ZFAT: variants seen among roughly 807,000 people sequenced by gnomAD.
The protein encoded by ZFAT is zinc finger and AT-hook domain containing, also known as zinc finger protein ZFAT.
In ZFAT, 64 loss-of-function variants were observed where a neutral mutation model predicts 117.7. The ratio of observed to expected loss-of-function variants is 0.54; its 90% CI spans 0.44 to 0.67. The LOEUF (loss-of-function observed/expected upper bound fraction) is 0.67. Among genes scored for constraint, ZFAT ranks in the 30% least tolerant of loss-of-function variants. The pLI, the probability that ZFAT is intolerant of heterozygous loss-of-function variation, is 0.00. For missense variants in ZFAT, 1,433 were observed against 1,584.5 expected (o/e 0.90, Z 1.62); for synonymous variants, 679 against 615.0 (o/e 1.10, Z -1.54).
chr8:134,739,412 C>T, the ZFAT span, among the ~76,000 whole-genome samples: 1 of 151,944 alleles, frequency 6.6e-6, no homozygotes, highest in African/African-American at 2.4e-5. Flanking sequence ...ATGAGAAGAA[C>T]CAGGATTTGG....
intron 15 of ZFAT, among the ~76,000 whole-genome samples, chr8:134,494,056 T>C (rs986863982): frequency 2.0e-5 from 3 of 152,184 alleles, no homozygotes; most frequent in Non-Finnish European, 4.4e-5. Context: ...GCACATACAC[T>C]GAATCTCTAT....
chr8:134,695,922 G>A (rs765269888), intron 1 of ZFAT, among the ~76,000 whole-genome samples: 2 of 148,116 alleles, frequency 1.4e-5, no homozygotes, highest in African/African-American at 2.5e-5. Flanking sequence ...CCAAGGAGGC[G>A]CTGCCCCCAG....
intron 1 of ZFAT, among the ~76,000 whole-genome samples, chr8:134,702,388 C>A (rs1381270995): frequency 6.6e-6 from 1 of 152,096 alleles, no homozygotes; most frequent in Non-Finnish European, 1.5e-5. Context: ...GCATTTCCAC[C>A]CAAATTTCAT....
chr8:134,620,437 T>A (rs1016354298), intron 3 of ZFAT, among the ~76,000 whole-genome samples: 2 of 152,194 alleles, frequency 1.3e-5, no homozygotes, highest in East Asian at 3.9e-4. Context: ...GCTGCTGCTC[T>A]GGCCTGGCAT....
chr8:134,825,683 T>G, the ZFAT span, among the ~76,000 whole-genome samples: 62 of 152,320 alleles, frequency 4.1e-4, no homozygotes, highest in Non-Finnish European at 4.6e-4. Flanking sequence ...CAATACATCA[T>G]TTGACCAATA....
intron 2 of ZFAT, among the ~76,000 whole-genome samples, chr8:134,650,704 G>C (rs191168170): frequency 6.6e-6 from 1 of 152,304 alleles, no homozygotes; most frequent in Admixed American, 6.5e-5. Context: ...GACATTAGAA[G>C]AGACGTATTG....
chr8:134,734,296 G>T, the ZFAT span, among the ~76,000 whole-genome samples: 2 of 152,188 alleles, frequency 1.3e-5, no homozygotes, highest in Non-Finnish European at 2.9e-5. Flanking sequence ...GGCTCCTGTC[G>T]CTTCGGGCTG....
intron 10 of ZFAT, among the ~76,000 whole-genome samples, chr8:134,570,013 GT>G (rs1323139985): frequency 6.6e-6 from 1 of 152,122 alleles, no homozygotes; most frequent in African/African-American, 2.4e-5. Flanking sequence ...GAGCTTCACA[GT>G]GGCTGCAGGG....
the ZFAT span, among the ~76,000 whole-genome samples, chr8:134,799,702 C>A: frequency 2.6e-5 from 4 of 152,292 alleles, no homozygotes; most frequent in African/African-American, 9.6e-5. Context: ...AAGATATGAG[C>A]TCCAGAAGCT....
In ZFAT at chr8:134,637,648, T is replaced by G. The variant is rs777706587; in HGVS notation, c.261A>C (p.Glu87Asp). ...PKGSTKKSSTEEELAENIVSP... is the reference protein window; with the variant it reads ...PKGSTKKSSTDEELAENIVSP... ...TCACGATGTTTTCTGCCAGCTCCTC[T>G]TCTGTGCTGGACTTCTTCGTGGACC... Residue 87 changes from glutamate to aspartate, a missense_variant, in exon 3 of 16, where the codon GAA becomes GAC. Glu to Asp is a conservative substitution (Grantham distance 45). Around this residue, in one of 5 missense-constraint regions of ZFAT, gnomAD observed 436 missense variants for 482.0 expected, o/e 0.90. Transcript: ENST00000377838. 6.2e-7 allele frequency: 1 copy of G among 1,614,190 alleles called. No individual in the cohort carries two copies. Among genetic ancestry groups the G allele is most frequent in the South Asian group, 1.1e-5 (1 of 91,080 alleles).
chr8:134,534,887 C>T (rs1384202893), intron 11 of ZFAT, among the ~76,000 whole-genome samples: 6 of 152,260 alleles, frequency 3.9e-5, no homozygotes, highest in Middle Eastern at 3.4e-3. Context: ...CCTTGCCCAC[C>T]GCCTGCTGCA....
At position 134,602,649 on chromosome 8, in the gene ZFAT, C is replaced by A. The variant is rs754938486; in HGVS notation, c.1070G>T (p.Arg357Leu). 6 of 1,614,196 alleles carry A rather than the reference C, an allele frequency of 3.7e-6. No homozygotes were observed. In the South Asian group the frequency reaches 5.5e-5, roughly 15 times the overall value. Residue 357 changes from arginine (R) to leucine (L), a missense_variant, in exon 6 of 16, where the codon CGC (arginine) becomes CTC (leucine). Physicochemically the swap from Arg to Leu is moderately radical, Grantham distance 102 (BLOSUM62 -2). This residue lies in a region of ZFAT where 436 missense variants were observed against 482.0 expected (regional missense o/e 0.90). Coordinates refer to ENST00000377838, the MANE Select transcript of ZFAT (RefSeq NM_020863.4). ...RVHKKIKQHC[R>L]FCKKKYSDVK... ...GTCAGAGTACTTCTTCTTGCAGAAG[C>A]GGCAGTGCTGCTTGATCTTCTTGTG...
chr8:134,755,129 C>T, the ZFAT span, among the ~76,000 whole-genome samples: 2 of 151,530 alleles, frequency 1.3e-5, no homozygotes, highest in Admixed American at 1.3e-4. Context: ...GGGGGCTGGG[C>T]GTGGTGGCTC....
At chr8:134,509,254 T>C (rs1322729391) in intron 15 of ZFAT, among the ~76,000 whole-genome samples, 1 of 152,180 alleles carries the variant, frequency 6.6e-6, no homozygotes, top group Non-Finnish European at 1.5e-5. Flanking sequence ...CCCCCATGCA[T>C]CCTACTAGCT....
At chr8:134,732,434 T>TC in the ZFAT span, among the ~76,000 whole-genome samples, 1 of 152,104 alleles carries the variant, frequency 6.6e-6, no homozygotes, top group Non-Finnish European at 1.5e-5. Context: ...AAGGGGCCAG[T>TC]CCAAAAGGGA....
the ZFAT span, among the ~76,000 whole-genome samples, chr8:134,832,317 C>T: frequency 6.6e-6 from 1 of 151,572 alleles, no homozygotes; most frequent in Non-Finnish European, 1.5e-5. Context: ...AGCGGCTGTG[C>T]GCGCGCGTGT....
chr8:134,804,997 GTCA>G, the ZFAT span: 13 of 509,580 alleles, frequency 2.6e-5, no homozygotes, highest in Middle Eastern at 3.4e-4. Context: ...AATGTTGCCA[GTCA>G]TCATCTTCAG....
Position 134,588,354 on chromosome 8 carries a change from C to A in ZFAT, c.2605G>T (p.Val869Phe). The change falls in exon 9 of 16, where the codon GTT becomes TTT. Residue 869 changes from valine (V) to phenylalanine (F), a missense_variant. Transcript: ENST00000377838. The stretch of plus-strand genomic sequence containing the variant: ...TTTCCAATTAGCCCTTTCAGCTGAA[C>A]CCTCCTCCCGAGAACCTCAGAAATG... ...STISEVLGRR[V>F]QLKGLIGKRA... 1.3e-6 allele frequency: 2 copies of A among 1,594,038 alleles called. No individual in the cohort carries two copies. The highest frequency in any genetic ancestry group is 1.7e-6 in the Non-Finnish European group (2 of 1,169,860).
At chr8:134,529,689 C>T (rs770137453) in intron 12 of ZFAT, among the ~76,000 whole-genome samples, 3 of 152,158 alleles carry the variant, frequency 2.0e-5, no homozygotes, top group Non-Finnish European at 4.4e-5. Flanking sequence ...AACCAAGATA[C>T]GCAAGCTCAT....
Sources: allele counts gnomAD v4.1 joint callset (sites outside exome capture counted in the v4.1 genomes callset), GRCh38; gene constraint gnomAD v4.1.1; regional missense constraint gnomAD v4.1.1; transcripts MANE v1.5; gene names NCBI Gene and HGNC (gene_info 2026-07-23, HGNC 2026-07-21).